MYT1L: variants seen among roughly 807,000 people sequenced by gnomAD.
The protein encoded by MYT1L is myelin transcription factor 1-like protein.
MYT1L carries 12 observed loss-of-function variants against 126.7 expected under a neutral mutation model. The observed-to-expected ratio is 0.09, with a 90% CI of 0.06 to 0.15. The LOEUF (loss-of-function observed/expected upper bound fraction) is 0.15. Among genes scored for constraint, MYT1L ranks in the 10% least tolerant of loss-of-function variants. MYT1L has a pLI of 1.00. For synonymous variants in MYT1L, 541 were observed against 604.2 expected, an observed-to-expected ratio of 0.90 and a Z score of 1.53; for missense variants, 979 against 1,585.2, an observed-to-expected ratio of 0.62 and a Z score of 6.49.
chr2:2,156,569 G>A (rs761407566), intron 3 of MYT1L, among the ~76,000 whole-genome samples: 2 of 152,246 alleles, frequency 1.3e-5, no homozygotes, highest in African/African-American at 2.4e-5. Flanking sequence ...TAGATTAGAA[G>A]TTTATTGTGC....
rs562890498 is a variant in MYT1L at position 1,876,940 on chromosome 2, C to G, written c.2711+9599G>C. On this transcript the variant is annotated intron_variant, in intron 18 of 24. Transcript: ENST00000647738. ...CAGGGGAGGACGCAGACATGGCTTG[C>G]TCACCCTGCTGGAGACTCAAGCTGA... Among the ~76,000 whole-genome samples the G allele has an allele frequency of 2.0e-3, 299 of 152,358 alleles. 1 individual carries two copies. Among genetic ancestry groups the G allele is most frequent in the African/African-American group, 6.8e-3 (284 of 41,594 alleles).
chr2:1,865,307 C>G (rs909080246), intron 18 of MYT1L, among the ~76,000 whole-genome samples: 1 of 152,164 alleles, frequency 6.6e-6, no homozygotes, highest in African/African-American at 2.4e-5. Flanking sequence ...GCCAGCAGCC[C>G]TGCTCCTGCG....
At chr2:1,937,241 C>T (rs1038525446) in intron 9 of MYT1L, among the ~76,000 whole-genome samples, 1 of 152,232 alleles carries the variant, frequency 6.6e-6, no homozygotes, top group Non-Finnish European at 1.5e-5. Flanking sequence ...AGGGCGGCCT[C>T]CATGCCTTGC....
chr2:2,267,965 T>C (rs893689923), intron 2 of MYT1L, among the ~76,000 whole-genome samples: 1 of 152,198 alleles, frequency 6.6e-6, no homozygotes, highest in Non-Finnish European at 1.5e-5. Context: ...CCGCTTTGCA[T>C]GTCTAACTTC....
intron 2 of MYT1L, among the ~76,000 whole-genome samples, chr2:2,200,027 T>A (rs912540151): frequency 1.1e-4 from 17 of 152,158 alleles, no homozygotes; most frequent in African/African-American, 2.9e-4. Flanking sequence ...GGCTGTGCCC[T>A]CATACACACG....
chr2:1,859,842 G>A (rs539815871), intron 18 of MYT1L, among the ~76,000 whole-genome samples: 7 of 152,342 alleles, frequency 4.6e-5, no homozygotes, highest in South Asian at 2.1e-4. Flanking sequence ...TGGGGACAGC[G>A]CGCCGGATGA....
At chr2:2,112,954 C>A (rs550587780) in intron 3 of MYT1L, among the ~76,000 whole-genome samples, 2 of 152,236 alleles carry the variant, frequency 1.3e-5, no homozygotes, top group African/African-American at 2.4e-5. Flanking sequence ...AATCATGAGA[C>A]AATGGAGGTA....
chr2:2,240,022 G>T (rs1464228282), intron 2 of MYT1L, among the ~76,000 whole-genome samples: 1 of 152,100 alleles, frequency 6.6e-6, no homozygotes, highest in African/African-American at 2.4e-5. Flanking sequence ...GGTAGGCCAG[G>T]CACAGCGACT....
intron 9 of MYT1L, among the ~76,000 whole-genome samples, chr2:1,941,976 C>T (rs755120728): frequency 6.6e-6 from 1 of 152,158 alleles, no homozygotes; most frequent in Non-Finnish European, 1.5e-5. Context: ...TGTATGGAGG[C>T]CCTACCCACT....
At chr2:1,962,072 A>G (rs1351110807) in intron 8 of MYT1L, among the ~76,000 whole-genome samples, 1 of 152,252 alleles carries the variant, frequency 6.6e-6, no homozygotes, top group Non-Finnish European at 1.5e-5. Context: ...CTATGAAACT[A>G]CATACATCTA....
chr2:1,843,548 C>T (rs148902064), intron 19 of MYT1L, among the ~76,000 whole-genome samples: 2 of 151,790 alleles, frequency 1.3e-5, no homozygotes, highest in East Asian at 1.9e-4. Context: ...GGGAGAATTA[C>T]GGAGTCCTAC....
At chr2:2,152,245 A>T (rs959524281) in intron 3 of MYT1L, among the ~76,000 whole-genome samples, 1 of 152,254 alleles carries the variant, frequency 6.6e-6, no homozygotes, top group African/African-American at 2.4e-5. Context: ...GGTAGCCCAC[A>T]GGGCGTGCAC....
intron 4 of MYT1L, among the ~76,000 whole-genome samples, chr2:2,042,792 G>A (rs775151894): frequency 2.6e-5 from 4 of 152,266 alleles, no homozygotes; most frequent in Middle Eastern, 3.4e-3. Flanking sequence ...TCAAACGCCC[G>A]GCATGCATCC....
chr2:1,945,364 C>T (rs1324698364), intron 8 of MYT1L, among the ~76,000 whole-genome samples: 9 of 152,056 alleles, frequency 5.9e-5, no homozygotes, highest in Admixed American at 5.9e-4. Flanking sequence ...CAGGTGGGGA[C>T]TGGGATGAGA....
intron 2 of MYT1L, among the ~76,000 whole-genome samples, chr2:2,211,152 T>C (rs1272477610): frequency 6.6e-6 from 1 of 152,214 alleles, no homozygotes; most frequent in Non-Finnish European, 1.5e-5. Context: ...AAATATAAAA[T>C]CATATCATCT....
intron 3 of MYT1L, among the ~76,000 whole-genome samples, chr2:2,123,526 CA>C (rs1409655594): frequency 6.6e-6 from 1 of 152,106 alleles, no homozygotes; most frequent in East Asian, 1.9e-4. Flanking sequence ...TGAGTTCTCG[CA>C]AGACCTGGTT....
At chr2:2,095,958 G>T (rs1161835087) in intron 3 of MYT1L, among the ~76,000 whole-genome samples, 1 of 152,156 alleles carries the variant, frequency 6.6e-6, no homozygotes, top group Non-Finnish European at 1.5e-5. Flanking sequence ...AGGAGCCCTG[G>T]TGAACGTGGA....
chr2:1,917,135 TA>T lies in MYT1L; in HGVS notation c.1618+69del, dbSNP rs2052958767. 8.4e-6 allele frequency: 13 copies of T among 1,546,854 alleles called. No homozygotes were observed. Among genetic ancestry groups the T allele is most frequent in the Middle Eastern group, 3.7e-4 (2 of 5,478 alleles). ...GCCGTACAATGGAGATGATGTCAGG[TA>T]AGAGGGATGACAGAGACAGAGTCAT... is the stretch of plus-strand genomic sequence containing the variant. On this transcript the variant is annotated intron_variant, in intron 11 of 24. Coordinates refer to ENST00000647738, the MANE Select transcript of MYT1L (RefSeq NM_001303052.2). The surrounding 1 kb of genome is among the most constrained non-coding windows in gnomAD (Gnocchi z 5.9).
intron 8 of MYT1L, among the ~76,000 whole-genome samples, chr2:1,965,949 G>A (rs532377233): frequency 9.8e-5 from 15 of 152,382 alleles, no homozygotes; most frequent in African/African-American, 3.4e-4. Context: ...GTGGCCCTGT[G>A]AGGGCACCAG....
Sources: gnomAD v4.1 joint callset for allele counts (sites outside exome capture counted in the v4.1 genomes callset) on GRCh38, gnomAD v4.1.1 for gene constraint, Gnocchi (gnomAD v3.1) non-coding constraint, MANE v1.5 for transcripts, NCBI Gene and HGNC (gene_info 2026-07-23, HGNC 2026-07-21) for gene names.